Variants in ANK2 observed in about 807,000 individuals in gnomAD.
The protein encoded by ANK2 is ankyrin 2.
ANK2 carries 83 observed loss-of-function variants against 360.5 expected under a neutral mutation model. That is an observed-to-expected ratio of 0.23 (90% CI 0.19 to 0.28). ANK2 has a LOEUF of 0.28. Among genes scored for constraint, ANK2 ranks in the 10% least tolerant of loss-of-function variants. ANK2 has a pLI of 1.00. For synonymous variants in ANK2, 1,740 were observed against 1,759.5 expected (o/e 0.99, Z 0.28); for missense variants, 4,201 against 4,795.7 (o/e 0.88, Z 3.66).
chr4:113,122,809 CA>C (rs1562229157), intron 1 of ANK2, among the ~76,000 whole-genome samples: 1 of 151,922 alleles, frequency 6.6e-6, no homozygotes, highest in East Asian at 1.9e-4. Context: ...CTTCTTAGCT[CA>C]GTTCACAAAT....
intron 1 of ANK2, among the ~76,000 whole-genome samples, chr4:113,171,883 C>T (rs929877397): frequency 5.3e-5 from 8 of 152,140 alleles, no homozygotes; most frequent in Non-Finnish European, 8.8e-5. Flanking sequence ...CCCCATCAGA[C>T]CATCATTGCC....
At chr4:113,072,508 A>G (rs1353897540) in intron 1 of ANK2, among the ~76,000 whole-genome samples, 1 of 152,198 alleles carries the variant, frequency 6.6e-6, no homozygotes, top group Admixed American at 6.5e-5. Context: ...GTGATGTTCA[A>G]ATAAAGTGAG....
chr4:112,750,416 AAT>A, the ANK2 span, among the ~76,000 whole-genome samples: 1 of 152,162 alleles, frequency 6.6e-6, no homozygotes, highest in South Asian at 2.1e-4. Flanking sequence ...TCTATGTTTA[AAT>A]ATGTTTAGAT....
At chr4:113,148,827 A>T (rs2096929743) in intron 1 of ANK2, among the ~76,000 whole-genome samples, 1 of 152,184 alleles carries the variant, frequency 6.6e-6, no homozygotes, top group African/African-American at 2.4e-5. Context: ...GCATGACTGA[A>T]ATGTAGTGAT....
intron 4 of ANK2, among the ~76,000 whole-genome samples, chr4:113,231,615 T>G (rs1411188942): frequency 1.3e-5 from 2 of 152,008 alleles, no homozygotes; most frequent in Non-Finnish European, 2.9e-5. Flanking sequence ...AAGATTTTTT[T>G]TTTTTTTTGA....
intron 1 of ANK2, among the ~76,000 whole-genome samples, chr4:113,149,627 C>T (rs1562425617): frequency 6.6e-6 from 1 of 151,806 alleles, no homozygotes; most frequent in Admixed American, 6.6e-5. Flanking sequence ...GTAATCCCAT[C>T]ACTTTGGGAG....
chr4:112,717,734 G>A, the ANK2 span, among the ~76,000 whole-genome samples: 2 of 151,964 alleles, frequency 1.3e-5, no homozygotes, highest in Non-Finnish European at 2.9e-5. Flanking sequence ...GTATAGCTTT[G>A]CTGGAAGTGC....
chr4:112,709,674 A>C, the ANK2 span, among the ~76,000 whole-genome samples: 5 of 152,156 alleles, frequency 3.3e-5, no homozygotes, highest in African/African-American at 4.8e-5. Flanking sequence ...GCTTGAACCC[A>C]GGAGGCGGAG....
intron 2 of ANK2, among the ~76,000 whole-genome samples, chr4:113,185,556 G>A (rs1340169415): frequency 1.3e-5 from 2 of 151,934 alleles, no homozygotes; most frequent in Non-Finnish European, 2.9e-5. Flanking sequence ...CTTTTTGATG[G>A]CATTGTTTTT....
the ANK2 span, among the ~76,000 whole-genome samples, chr4:112,794,089 C>G: frequency 6.6e-6 from 1 of 152,108 alleles, no homozygotes; most frequent in African/African-American, 2.4e-5. Flanking sequence ...TGACTTTACC[C>G]CAATCCAGTG....
the ANK2 span, among the ~76,000 whole-genome samples, chr4:112,764,800 G>A: frequency 2.7e-5 from 4 of 147,400 alleles, no homozygotes; most frequent in East Asian, 2.0e-4. Flanking sequence ...CTCCACCTCC[G>A]GGGTTCAAGC....
chr4:112,771,354 G>A, the ANK2 span, among the ~76,000 whole-genome samples: 1,384 of 152,236 alleles, frequency 9.1e-3, 21 homozygotes, highest in African/African-American at 0.032. Flanking sequence ...CCGATCTCAG[G>A]TGATCTGCCT....
intron 1 of ANK2, among the ~76,000 whole-genome samples, chr4:113,097,873 TATGC>T (rs2091825337): frequency 4.1e-5 from 5 of 121,522 alleles, no homozygotes; most frequent in Admixed American, 3.8e-4. Context: ...TGTGTATATA[TATGC>T]ACACACACAC....
chr4:113,277,779 AT>A, intron 15 of ANK2, 57 bp from the exon 16 acceptor site: 1 of 1,405,766 alleles, frequency 7.1e-7, no homozygotes, highest in South Asian at 1.2e-5. Flanking sequence ...AAATAAAAAG[AT>A]TTTTTGAGGA....
chr4:112,909,527 T>G (rs1290752538), intron 2 of ANK2, among the ~76,000 whole-genome samples: 1 of 152,226 alleles, frequency 6.6e-6, no homozygotes, highest in Non-Finnish European at 1.5e-5. Context: ...ATAATTCTCT[T>G]TTGTTTCCTA....
intron 2 of ANK2, among the ~76,000 whole-genome samples, chr4:113,190,294 A>G (rs929419561): frequency 6.6e-6 from 1 of 151,994 alleles, no homozygotes; most frequent in Non-Finnish European, 1.5e-5. Flanking sequence ...CATTTTTTGT[A>G]GAGACAGGGC....
At chr4:113,192,257 G>A (rs1392167108) in intron 2 of ANK2, among the ~76,000 whole-genome samples, 1 of 152,036 alleles carries the variant, frequency 6.6e-6, no homozygotes, top group Admixed American at 6.6e-5. Flanking sequence ...TTATTTATTT[G>A]ATCTAAAAGG....
chr4:112,797,755 A>AGG, the ANK2 span: 1 of 169,810 alleles, frequency 5.9e-6, no homozygotes, highest in Admixed American at 5.8e-5. Context: ...GGACAACTTC[A>AGG]AGATTGTATT....
intron 2 of ANK2, among the ~76,000 whole-genome samples, chr4:112,934,246 G>A (rs2093530118): frequency 6.6e-6 from 1 of 152,260 alleles, no homozygotes; most frequent in South Asian, 2.1e-4. Context: ...AAAATAAGGT[G>A]ATTTCCGTAA....
Sources: allele counts gnomAD v4.1 joint callset (sites outside exome capture counted in the v4.1 genomes callset), GRCh38; gene constraint gnomAD v4.1.1; transcripts MANE v1.5; gene names NCBI Gene and HGNC (gene_info 2026-07-23, HGNC 2026-07-21).